The following ATP8A2 variants were observed in gnomAD, a reference collection of about 807,000 sequenced individuals.
ATP8A2 encodes the protein phospholipid-transporting ATPase IB.
A neutral mutation model predicts 165.6 loss-of-function variants in ATP8A2; 100 were observed. That is an observed-to-expected ratio of 0.60 (90% CI 0.51 to 0.71). The LOEUF (loss-of-function observed/expected upper bound fraction) is 0.71, where lower values mean the gene tolerates loss of function less well. ATP8A2 is among the 30% of genes least tolerant of loss of function. ATP8A2 has a pLI of 0.00. For missense variants in ATP8A2, 1,227 were observed against 1,479.5 expected, an observed-to-expected ratio of 0.83 and a Z score of 2.80; for synonymous variants, 543 against 548.8, an observed-to-expected ratio of 0.99 and a Z score of 0.15.
intron 35 of ATP8A2, among the ~76,000 whole-genome samples, chr13:26,011,700 G>A (rs1382888947): frequency 1.3e-5 from 2 of 152,174 alleles, no homozygotes; most frequent in African/African-American, 2.4e-5. Context: ...TTGGGAGGCC[G>A]AGGCAGGAGG....
chr13:25,755,628 C>T (rs116310639), intron 25 of ATP8A2, among the ~76,000 whole-genome samples: 95 of 152,182 alleles, frequency 6.2e-4, no homozygotes, highest in African/African-American at 2.2e-3. Context: ...AACCCCAGGC[C>T]GAGCACGGTG....
intron 33 of ATP8A2, among the ~76,000 whole-genome samples, chr13:25,948,017 T>C (rs771188921): frequency 2.0e-5 from 3 of 152,160 alleles, no homozygotes; most frequent in South Asian, 2.1e-4. Flanking sequence ...CACCAGGGGC[T>C]GATGTTTGTA....
chr13:25,848,817 T>A (rs1951938510), intron 30 of ATP8A2, among the ~76,000 whole-genome samples: 2 of 152,176 alleles, frequency 1.3e-5, no homozygotes, highest in South Asian at 4.1e-4. Flanking sequence ...ATTCATAGTG[T>A]CGGAGGCAGA....
chr13:25,524,415 T>C (rs915039125), intron 2 of ATP8A2, among the ~76,000 whole-genome samples: 1 of 152,174 alleles, frequency 6.6e-6, no homozygotes, highest in Non-Finnish European at 1.5e-5. Context: ...GTTCCTTTGC[T>C]GATTTTCTGT....
rs576655576 is a variant in ATP8A2, at chr13:25,905,308, C to T, written c.3183+42900C>T. ...ATCTCTTATACACTCATTTCTAAAA[C>T]GATAAGTTTTTCTCTTCCTCTCCGA... On this transcript the variant is annotated intron_variant, in intron 33 of 36. Coordinates refer to ENST00000381655, the MANE Select transcript of ATP8A2 (RefSeq NM_016529.6). Among the ~76,000 whole-genome samples the T allele has an allele frequency of 1.3e-4, 20 of 152,182 alleles. No homozygotes were observed. The East Asian group carries it at 1.5e-3, about 12-fold the overall frequency.
At chr13:25,890,943 A>G (rs1247221892) in intron 33 of ATP8A2, among the ~76,000 whole-genome samples, 2 of 152,224 alleles carry the variant, frequency 1.3e-5, no homozygotes, top group Admixed American at 6.5e-5. Flanking sequence ...ACAACTCAGC[A>G]GTGCTCTGAA....
chr13:25,734,400 G>A (rs941796193), intron 25 of ATP8A2, among the ~76,000 whole-genome samples: 1 of 152,224 alleles, frequency 6.6e-6, no homozygotes, highest in Admixed American at 6.5e-5. Context: ...GATAGGAAGT[G>A]AGTAGTGAAC....
chr13:25,937,365 T>C, intron 33 of ATP8A2, among the ~76,000 whole-genome samples: 1 of 118,760 alleles, frequency 8.4e-6, no homozygotes, highest in Middle Eastern at 4.3e-3. Context: ...TTTCTTTCTT[T>C]TTTTTTTTTT....
chr13:25,469,203 C>G (rs928970725), intron 2 of ATP8A2, 82 bp downstream of exon 2: 3 of 1,516,780 alleles, frequency 2.0e-6, no homozygotes, highest in Non-Finnish European at 2.7e-6. Context: ...GGGGCTTGGC[C>G]GCGCACCTGG....
At chr13:25,965,083 C>T (rs1955749586) in intron 34 of ATP8A2, among the ~76,000 whole-genome samples, 1 of 152,152 alleles carries the variant, frequency 6.6e-6, no homozygotes, top group Admixed American at 6.5e-5. Context: ...GGCTTGAACC[C>T]AGGAGGCAGA....
intron 1 of ATP8A2, among the ~76,000 whole-genome samples, chr13:25,407,379 C>A (rs970905802): frequency 6.6e-6 from 1 of 152,102 alleles, no homozygotes; most frequent in Non-Finnish European, 1.5e-5. Flanking sequence ...AAGTTAAAAC[C>A]CAGCAGACAA....
chr13:25,855,313 A>G (rs1211668690), intron 30 of ATP8A2, among the ~76,000 whole-genome samples: 1 of 151,490 alleles, frequency 6.6e-6, no homozygotes, highest in East Asian at 1.9e-4. Context: ...CCTGGAAACC[A>G]CTGATCTACT....
intron 25 of ATP8A2, among the ~76,000 whole-genome samples, chr13:25,745,418 G>A (rs955041312): frequency 6.6e-6 from 1 of 152,218 alleles, no homozygotes; most frequent in Non-Finnish European, 1.5e-5. Flanking sequence ...AGCCTAGACT[G>A]TAAAGTCAAC....
At chr13:25,456,602 G>A (rs1187526192) in intron 1 of ATP8A2, among the ~76,000 whole-genome samples, 1 of 152,212 alleles carries the variant, frequency 6.6e-6, no homozygotes, top group East Asian at 1.9e-4. Flanking sequence ...GTCTTAAGGG[G>A]TGAGTAGTAG....
At chr13:26,006,745 G>A (rs898198539) in intron 35 of ATP8A2, among the ~76,000 whole-genome samples, 14 of 151,760 alleles carry the variant, frequency 9.2e-5, no homozygotes, top group Non-Finnish European at 1.6e-4. Flanking sequence ...ATTTTGTCAG[G>A]TGCTTTTTCT....
At chr13:25,588,703 AT>A (rs1223955294) in intron 23 of ATP8A2, among the ~76,000 whole-genome samples, 2 of 152,266 alleles carry the variant, frequency 1.3e-5, no homozygotes, top group Admixed American at 6.5e-5. Context: ...GTGGAGAAGG[AT>A]TTTTTTCTTG....
intron 24 of ATP8A2, among the ~76,000 whole-genome samples, chr13:25,602,481 T>G (rs1356818523): frequency 2.0e-5 from 3 of 152,236 alleles, no homozygotes; most frequent in Non-Finnish European, 4.4e-5. Context: ...TTTCCTGGCA[T>G]AGATTTAAGA....
chr13:25,829,845 T>G lies in ATP8A2; in HGVS notation c.2754+1653T>G, dbSNP rs150413363. On this transcript the variant is annotated intron_variant, in intron 28 of 36. Coordinates refer to ENST00000381655, the MANE Select transcript of ATP8A2 (RefSeq NM_016529.6). ...AATTAATCCAACAGATTTTATTGAGTGCCTACTACAGATAAGATGCTGACA... is the reference window on the plus strand; with the variant it reads ...AATTAATCCAACAGATTTTATTGAGGGCCTACTACAGATAAGATGCTGACA... Among the ~76,000 whole-genome samples the G allele has an allele frequency of 4.2e-3, 628 of 150,742 alleles. 6 individuals carry two copies. Among genetic ancestry groups the G allele is most frequent in the African/African-American group, 0.015 (603 of 40,986 alleles).
chr13:25,606,432 T>G (rs2040518990), intron 24 of ATP8A2, among the ~76,000 whole-genome samples: 1 of 152,218 alleles, frequency 6.6e-6, no homozygotes, highest in African/African-American at 2.4e-5. Context: ...CTCTATAAGT[T>G]GGAACATGGT....
Sources: allele counts gnomAD v4.1 joint callset (sites outside exome capture counted in the v4.1 genomes callset), GRCh38; gene constraint gnomAD v4.1.1; transcripts MANE v1.5; gene names NCBI Gene and HGNC (gene_info 2026-07-23, HGNC 2026-07-21).